KLHL29: variants seen among roughly 807,000 people sequenced by gnomAD.
KLHL29 encodes the protein kelch-like protein 29.
KLHL29 carries 21 observed loss-of-function variants against 80.4 expected under a neutral mutation model. The observed-to-expected ratio is 0.26, with a 90% CI of 0.19 to 0.38. The LOEUF (loss-of-function observed/expected upper bound fraction) is 0.38, where lower values mean the gene tolerates loss of function less well. KLHL29 is among the 10% of genes least tolerant of loss of function. The pLI is 1.00. For synonymous variants in KLHL29, 511 were observed against 526.8 expected (o/e 0.97, Z 0.41); for missense variants, 867 against 1,223.9 (o/e 0.71, Z 4.35).
chr2:23,579,717 C>T (rs1249379786), intron 3 of KLHL29, among the ~76,000 whole-genome samples: 1 of 152,144 alleles, frequency 6.6e-6, no homozygotes, highest in Non-Finnish European at 1.5e-5. Context: ...TCTAAATGTG[C>T]AGTTACTCCA....
At chr2:23,670,878 G>A (rs1389123022) in intron 5 of KLHL29, among the ~76,000 whole-genome samples, 3 of 141,300 alleles carry the variant, frequency 2.1e-5, no homozygotes, top group East Asian at 4.4e-4. Context: ...AGGGCACAGA[G>A]TGGGCAGAGA....
At chr2:23,561,393 A>C (rs1385163750) in intron 2 of KLHL29, among the ~76,000 whole-genome samples, 1 of 152,182 alleles carries the variant, frequency 6.6e-6, no homozygotes, top group Non-Finnish European at 1.5e-5. Flanking sequence ...TCAGAGGCTC[A>C]GGAGAGCTGT....
At chr2:23,463,363 G>A (rs1558347460) in intron 1 of KLHL29, among the ~76,000 whole-genome samples, 1 of 151,864 alleles carries the variant, frequency 6.6e-6, no homozygotes, top group East Asian at 1.9e-4. Flanking sequence ...TCATATTTGT[G>A]TTAATTAGAG....
At chr2:23,587,788 C>T (rs1416873457) in intron 3 of KLHL29, among the ~76,000 whole-genome samples, 1 of 152,168 alleles carries the variant, frequency 6.6e-6, no homozygotes, top group Admixed American at 6.5e-5. Context: ...GCCTGCTAAG[C>T]GGTTCCGTGT....
intron 1 of KLHL29, among the ~76,000 whole-genome samples, chr2:23,461,939 G>C (rs1311721507): frequency 6.7e-6 from 1 of 148,960 alleles, no homozygotes; most frequent in Non-Finnish European, 1.5e-5. Flanking sequence ...AGGTTCCCAG[G>C]TATTAGTTTG....
chr2:23,409,690 A>G (rs1396425779), intron 1 of KLHL29, among the ~76,000 whole-genome samples: 1 of 152,214 alleles, frequency 6.6e-6, no homozygotes, highest in African/African-American at 2.4e-5. Flanking sequence ...CGTGCCAGGC[A>G]CTGTGCTTGG....
chr2:23,633,755 T>TG (rs1558416938), intron 3 of KLHL29, among the ~76,000 whole-genome samples: 3 of 27,854 alleles, frequency 1.1e-4, no homozygotes, highest in African/African-American at 2.4e-4. Flanking sequence ...GTCACAGCAC[T>TG]CGTGTGTGTG....
chr2:23,657,729 C>T (rs1670285137), intron 5 of KLHL29, among the ~76,000 whole-genome samples: 2 of 152,198 alleles, frequency 1.3e-5, no homozygotes, highest in African/African-American at 4.8e-5. Flanking sequence ...CTCCTCACCC[C>T]CTGGGCCCAG....
At chr2:23,603,563 G>A (rs1279490096) in intron 3 of KLHL29, among the ~76,000 whole-genome samples, 1 of 152,216 alleles carries the variant, frequency 6.6e-6, no homozygotes. Context: ...GCCCTGGCAC[G>A]TTTGGAATAA....
At chr2:23,686,186 G>A (rs1671250712) in intron 6 of KLHL29, among the ~76,000 whole-genome samples, 1 of 152,132 alleles carries the variant, frequency 6.6e-6, no homozygotes, top group Admixed American at 6.5e-5. Context: ...GGGCTGCACT[G>A]GGGCAGGCAA....
rs1421670883 is a variant in KLHL29 at position 23,647,166 on chromosome 2, T to C, written c.940+4316T>C. On this transcript the variant is annotated intron_variant, in intron 5 of 13. Coordinates refer to ENST00000486442, the MANE Select transcript of KLHL29 (RefSeq NM_052920.2). The surrounding 1 kb of genome is among the most constrained non-coding windows in gnomAD (Gnocchi z 4.9). ...AGGGAGGTGGGATGCATCCCTTTTC[T>C]GTCAGGAGGACTCAGGATGGCTCTC... Among the ~76,000 whole-genome samples the C allele has an allele frequency of 6.6e-6, 1 of 152,208 alleles. No homozygotes were observed. Among genetic ancestry groups the C allele is most frequent in the Non-Finnish European group, 1.5e-5 (1 of 68,020 alleles).
Position 23,560,298 on chromosome 2 carries a change from G to A in KLHL29, c.-45-1854G>A, listed in dbSNP as rs531409837. Among the ~76,000 whole-genome samples, 37 of 113,400 alleles carry A rather than the reference G, an allele frequency of 3.3e-4. 2 individuals are homozygous for A. The South Asian group carries it at 0.01, about 31-fold the overall frequency. The allele number at this position is 113,400 out of a possible 152,430, so 74.4% of individuals were successfully genotyped here. A position where few individuals can be genotyped will look rare whatever the true frequency, so the allele number is the denominator to read the frequency against. On this transcript the variant is annotated intron_variant, in intron 2 of 13. Transcript: ENST00000486442. ...TTTTTTTTTTTTTTTTTGAGACGGA[G>A]TCTTGCTCTGTTGACAGGCTGGAGT...
chr2:23,601,160 G>A (rs1320941902), intron 3 of KLHL29, among the ~76,000 whole-genome samples: 3 of 152,132 alleles, frequency 2.0e-5, no homozygotes, highest in Non-Finnish European at 4.4e-5. Flanking sequence ...ACTAACTCCT[G>A]AACACTCACG....
At chr2:23,491,635 T>C (rs1313422874) in intron 2 of KLHL29, among the ~76,000 whole-genome samples, 1 of 152,082 alleles carries the variant, frequency 6.6e-6, no homozygotes, top group Non-Finnish European at 1.5e-5. Context: ...GGGAATCCCA[T>C]ATCACTGTCT....
At chr2:23,463,124 G>A (rs1433559470) in intron 1 of KLHL29, among the ~76,000 whole-genome samples, 1 of 146,228 alleles carries the variant, frequency 6.8e-6, no homozygotes, top group Non-Finnish European at 1.5e-5. Context: ...GACTTTTTGA[G>A]TCCTCTGACA....
intron 3 of KLHL29, among the ~76,000 whole-genome samples, chr2:23,638,390 T>G (rs550859363): frequency 6.0e-4 from 90 of 149,052 alleles, no homozygotes; most frequent in South Asian, 2.1e-3. Context: ...TGTCCTGGTG[T>G]TTTTTTTTTC....
At chr2:23,514,833 G>A (rs1312176536) in intron 2 of KLHL29, among the ~76,000 whole-genome samples, 3 of 152,144 alleles carry the variant, frequency 2.0e-5, no homozygotes, top group Non-Finnish European at 4.4e-5. Flanking sequence ...GGCTTCAGTT[G>A]GTTCTTCCAC....
intron 3 of KLHL29, chr2:23,616,669 C>G (rs1012394462): frequency 7.9e-5 from 12 of 152,206 alleles, no homozygotes; most frequent in Non-Finnish European, 1.8e-4. Context: ...CATTCTTGCG[C>G]ACCCCATGAA....
chr2:23,433,813 G>A (rs58503508), intron 1 of KLHL29, among the ~76,000 whole-genome samples: 67,263 of 151,876 alleles, frequency 0.44, 15,642 homozygotes, highest in African/African-American at 0.59. Flanking sequence ...GAGCTATTCC[G>A]GAGGCTGAGG....
Sources: gnomAD v4.1 joint callset for allele counts (sites outside exome capture counted in the v4.1 genomes callset) on GRCh38, gnomAD v4.1.1 for gene constraint, Gnocchi (gnomAD v3.1) non-coding constraint, MANE v1.5 for transcripts, NCBI Gene and HGNC (gene_info 2026-07-23, HGNC 2026-07-21) for gene names.